GREB1L: variants seen among roughly 807,000 people sequenced by gnomAD.
The protein encoded by GREB1L is GREB1-like protein.
In GREB1L, 17 loss-of-function variants were observed where a neutral mutation model predicts 200.8. The ratio of observed to expected loss-of-function variants is 0.08; its 90% CI spans 0.06 to 0.13. The LOEUF (loss-of-function observed/expected upper bound fraction) is 0.13, where lower values mean the gene tolerates loss of function less well. GREB1L is among the 10% of genes least tolerant of loss of function. The pLI, the probability that GREB1L is intolerant of heterozygous loss-of-function variation, is 1.00. For missense variants in GREB1L, 1,657 were observed against 2,367.7 expected (o/e 0.70, Z 6.23); for synonymous variants, 789 against 893.0 (o/e 0.88, Z 2.08).
In GREB1L at chr18:21,508,372, T is replaced by C; in HGVS notation, c.4531-15T>C. ...TTAATTTCCCTTTATGGTCTGTTTT[T>C]TTCCCTTTCAGCAGAATTTGAATGC... On this transcript the variant is annotated splice_polypyrimidine_tract_variant and intron_variant, in intron 26 of 32. Coordinates refer to ENST00000424526, the MANE Select transcript of GREB1L (RefSeq NM_001142966.3). 1 of 1,551,314 alleles carries C rather than the reference T, an allele frequency of 6.4e-7. No homozygotes were observed. Among genetic ancestry groups the C allele is most frequent in the African/African-American group, 1.4e-5 (1 of 73,096 alleles).
At chr18:21,302,787 T>G (rs2144706862) in intron 1 of GREB1L, among the ~76,000 whole-genome samples, 1 of 152,272 alleles carries the variant, frequency 6.6e-6, no homozygotes, top group South Asian at 2.1e-4. Flanking sequence ...AGTGGCGTGA[T>G]CTCGGCTCAC....
At chr18:21,435,307 T>A (rs184572055) in intron 7 of GREB1L, among the ~76,000 whole-genome samples, 1 of 152,308 alleles carries the variant, frequency 6.6e-6, no homozygotes, top group Admixed American at 6.5e-5. Flanking sequence ...GACATAACAA[T>A]CTGATTCCAT....
chr18:21,244,298 C>CT (rs1381586259), intron 1 of GREB1L, among the ~76,000 whole-genome samples: 3 of 152,166 alleles, frequency 2.0e-5, no homozygotes, highest in African/African-American at 7.2e-5. Context: ...TAGTAGTTTA[C>CT]TTTGTCTACC....
chr18:21,503,586 A>T (rs2036890591), intron 23 of GREB1L, among the ~76,000 whole-genome samples: 1 of 139,378 alleles, frequency 7.2e-6, no homozygotes, highest in Non-Finnish European at 1.6e-5. Flanking sequence ...TATTATTATT[A>T]TTATTTTTGA....
chr18:21,473,658 G>A (rs1446472437), intron 16 of GREB1L, among the ~76,000 whole-genome samples: 2 of 151,756 alleles, frequency 1.3e-5, no homozygotes, highest in Non-Finnish European at 2.9e-5. Flanking sequence ...CTTCTTACTG[G>A]TAACTTTTTC....
intron 7 of GREB1L, among the ~76,000 whole-genome samples, chr18:21,409,935 A>G (rs1380879930): frequency 2.0e-5 from 3 of 152,226 alleles, no homozygotes; most frequent in African/African-American, 7.2e-5. Flanking sequence ...TATACGCTAG[A>G]AGCTTTATGT....
chr18:21,296,199 A>T (rs2038524999), intron 1 of GREB1L, among the ~76,000 whole-genome samples: 3 of 152,198 alleles, frequency 2.0e-5, no homozygotes. Flanking sequence ...TCAGCAGTGG[A>T]TTGGATAAAG....
In GREB1L at chr18:21,443,799, C is replaced by T. The variant is rs369327644; in HGVS notation, c.1208-425C>T. 2.0e-5 allele frequency among the ~76,000 whole-genome samples: 3 copies of T among 152,334 alleles called. No individual in the cohort carries two copies. The East Asian group carries it at 5.8e-4, about 29-fold the overall frequency. ...ACAGTATTTGCATATAACCTATGCA[C>T]ATCCTCCCATATACATTAAACCACC... On this transcript the variant is annotated intron_variant, in intron 10 of 32. Transcript: ENST00000424526.
intron 2 of GREB1L, among the ~76,000 whole-genome samples, chr18:21,371,516 G>C (rs1330713768): frequency 6.7e-6 from 1 of 150,244 alleles, no homozygotes; most frequent in Non-Finnish European, 1.5e-5. Context: ...GGCCAGGTGC[G>C]GTGGCTCATG....
At chr18:21,350,613 T>C (rs2039418955) in intron 1 of GREB1L, among the ~76,000 whole-genome samples, 1 of 152,172 alleles carries the variant, frequency 6.6e-6, no homozygotes, top group South Asian at 2.1e-4. Context: ...TTTGACAGGA[T>C]GGCATAACAC....
chr18:21,469,182 T>G (rs187224174), intron 15 of GREB1L, among the ~76,000 whole-genome samples: 23 of 152,350 alleles, frequency 1.5e-4, no homozygotes, highest in African/African-American at 5.5e-4. Context: ...TATTTCCAAG[T>G]TGATGATTTT....
At chr18:21,413,457 A>G (rs2031291041) in intron 7 of GREB1L, among the ~76,000 whole-genome samples, 1 of 152,132 alleles carries the variant, frequency 6.6e-6, no homozygotes, top group Non-Finnish European at 1.5e-5. Flanking sequence ...TTAGTTTCTT[A>G]TGAATACTCA....
intron 19 of GREB1L, among the ~76,000 whole-genome samples, chr18:21,490,604 ATG>A (rs2036295214): frequency 4.6e-5 from 7 of 151,656 alleles, no homozygotes; most frequent in Admixed American, 2.6e-4. Flanking sequence ...GTGCAAAAAA[ATG>A]AGATGACCCA....
intron 23 of GREB1L, among the ~76,000 whole-genome samples, chr18:21,502,201 A>G (rs2036825077): frequency 6.6e-6 from 1 of 151,824 alleles, no homozygotes; most frequent in Admixed American, 6.6e-5. Context: ...CAGTGAGTTG[A>G]GATCACGCCA....
chr18:21,415,709 C>T (rs1361918536), intron 7 of GREB1L, among the ~76,000 whole-genome samples: 1 of 152,134 alleles, frequency 6.6e-6, no homozygotes, highest in Non-Finnish European at 1.5e-5. Flanking sequence ...ACAGGAAAAC[C>T]ACATAATACA....
chr18:21,289,697 A>G (rs1199296284), intron 1 of GREB1L, among the ~76,000 whole-genome samples: 1 of 152,254 alleles, frequency 6.6e-6, no homozygotes, highest in African/African-American at 2.4e-5. Context: ...ATAGGAAGGG[A>G]AACAATCCAT....
chr18:21,389,763 CT>C (rs1307230885), intron 4 of GREB1L, among the ~76,000 whole-genome samples: 20 of 152,210 alleles, frequency 1.3e-4, no homozygotes, highest in African/African-American at 2.4e-5. Context: ...GCATGAATTA[CT>C]TTTGCGGCTT....
intron 1 of GREB1L, among the ~76,000 whole-genome samples, chr18:21,362,859 C>T (rs2039599264): frequency 6.6e-6 from 1 of 152,184 alleles, no homozygotes; most frequent in African/African-American, 2.4e-5. Flanking sequence ...CAAGCAGAGT[C>T]TCCTGCATCT....
intron 7 of GREB1L, among the ~76,000 whole-genome samples, chr18:21,410,038 C>T (rs1200484381): frequency 6.6e-6 from 1 of 152,052 alleles, no homozygotes; most frequent in Non-Finnish European, 1.5e-5. Flanking sequence ...TAGAAATTAG[C>T]ATTTGGGGAT....
Sources: allele counts gnomAD v4.1 joint callset (sites outside exome capture counted in the v4.1 genomes callset), GRCh38; gene constraint gnomAD v4.1.1; transcripts MANE v1.5; gene names NCBI Gene and HGNC (gene_info 2026-07-23, HGNC 2026-07-21).